The following SLC2A9 variants were observed in gnomAD, a reference collection of about 807,000 sequenced individuals.
SLC2A9 encodes the protein solute carrier family 2 member 9.
SLC2A9 carries 39 observed loss-of-function variants against 50.6 expected under a neutral mutation model. That is an observed-to-expected ratio of 0.77 (90% CI 0.60 to 1.01). SLC2A9 has a LOEUF of 1.01. Among genes scored for constraint, SLC2A9 ranks in the 50% least tolerant of loss-of-function variants. SLC2A9 has a pLI of 0.00. For synonymous variants in SLC2A9, 324 were observed against 276.9 expected (o/e 1.17, Z -1.69); for missense variants, 686 against 677.6 (o/e 1.01, Z -0.14).
intron 10 of SLC2A9, among the ~76,000 whole-genome samples, chr4:9,881,553 A>C (rs1007782636): frequency 2.6e-5 from 4 of 152,188 alleles, no homozygotes; most frequent in Non-Finnish European, 5.9e-5. Flanking sequence ...TTAGAAAGAA[A>C]ATATATTAGG....
At chr4:9,912,173 G>A (rs2082031664) in intron 7 of SLC2A9, among the ~76,000 whole-genome samples, 1 of 152,084 alleles carries the variant, frequency 6.6e-6, no homozygotes, top group African/African-American at 2.4e-5. Flanking sequence ...AGAGCATTAG[G>A]AGATATACCT....
intron 10 of SLC2A9, among the ~76,000 whole-genome samples, chr4:9,872,110 G>C (rs1324239882): frequency 2.0e-5 from 3 of 152,198 alleles, no homozygotes; most frequent in Non-Finnish European, 4.4e-5. Context: ...GTTCTGAAGT[G>C]CAGCCATGTA....
At chr4:9,962,914 CT>C (rs1752499285) in intron 5 of SLC2A9, among the ~76,000 whole-genome samples, 1 of 152,158 alleles carries the variant, frequency 6.6e-6, no homozygotes, top group Non-Finnish European at 1.5e-5. Flanking sequence ...TGTTTTTGCA[CT>C]GGCTATTCCC....
chr4:9,891,802 G>A (rs1737494620), intron 8 of SLC2A9, among the ~76,000 whole-genome samples: 1 of 152,204 alleles, frequency 6.6e-6, no homozygotes, highest in African/African-American at 2.4e-5. Context: ...CAGGCAGAGG[G>A]ATTAGTGGGG....
chr4:9,976,067 A>T (rs1754746413), intron 5 of SLC2A9, among the ~76,000 whole-genome samples: 1 of 152,182 alleles, frequency 6.6e-6, no homozygotes, highest in African/African-American at 2.4e-5. Flanking sequence ...GGACATAAAG[A>T]TGGCAACACT....
At chr4:9,785,050 A>C (rs1439946136) in intron 3 of SLC2A9, among the ~76,000 whole-genome samples, 1 of 152,210 alleles carries the variant, frequency 6.6e-6, no homozygotes, top group Non-Finnish European at 1.5e-5. Context: ...ATGATACTGG[A>C]ATCTGAGGTC....
intron 5 of SLC2A9, among the ~76,000 whole-genome samples, chr4:9,977,542 TC>T (rs1314871140): frequency 1.7e-5 from 2 of 116,142 alleles, no homozygotes; most frequent in Admixed American, 1.8e-4. Context: ...CCTCTCCCTC[TC>T]CCCCTCCCCC....
intron 8 of SLC2A9, among the ~76,000 whole-genome samples, chr4:9,901,363 A>G (rs1329959383): frequency 6.6e-6 from 1 of 152,164 alleles, no homozygotes; most frequent in Non-Finnish European, 1.5e-5. Flanking sequence ...CTGTCAAGGG[A>G]AATTAATTGA....
rs546122145 is a variant in SLC2A9, at chr4:10,015,380, A to G, written c.249+3595T>C. Among the ~76,000 whole-genome samples, 87 of 152,154 alleles carry G rather than the reference A, an allele frequency of 5.7e-4. 2 individuals are homozygous for G. The highest frequency in any genetic ancestry group is 2.0e-3 in the African/African-American group (81 of 41,512). ...CCTGGGTTTGAATTCCAACACTGCCACCTCCTGGCTGTGTGAACCTGGGCA... is the reference window on the plus strand; with the variant it reads ...CCTGGGTTTGAATTCCAACACTGCCGCCTCCTGGCTGTGTGAACCTGGGCA... On this transcript the variant is annotated intron_variant, in intron 2 of 11. Coordinates refer to ENST00000264784, the MANE Select transcript of SLC2A9 (RefSeq NM_020041.3).
At chr4:9,876,154 TTTA>T (rs1327670720) in intron 10 of SLC2A9, among the ~76,000 whole-genome samples, 1 of 152,178 alleles carries the variant, frequency 6.6e-6, no homozygotes, top group African/African-American at 2.4e-5. Flanking sequence ...CTTCTTAGTG[TTTA>T]TATTCTTCTG....
At chr4:9,824,519 C>T (rs910476439), downstream of SLC2A9, among the ~76,000 whole-genome samples, 5 of 152,190 alleles carry the variant, frequency 3.3e-5, no homozygotes, top group African/African-American at 1.2e-4. Context: ...TCTCACCTCT[C>T]ACCCCAGTCA....
chr4:9,919,276 C>A (rs971695079), intron 7 of SLC2A9, among the ~76,000 whole-genome samples: 5 of 152,162 alleles, frequency 3.3e-5, no homozygotes, highest in East Asian at 1.9e-4. Context: ...CTGACCCAGG[C>A]GCCTGCTCAA....
chr4:9,954,101 G>A (rs959382147), intron 5 of SLC2A9, among the ~76,000 whole-genome samples: 2 of 152,150 alleles, frequency 1.3e-5, no homozygotes, highest in South Asian at 2.1e-4. Flanking sequence ...GAGCCACTGC[G>A]CCCAGCCCTA....
At chr4:9,904,124 C>T (rs1025796237) in intron 8 of SLC2A9, among the ~76,000 whole-genome samples, 41 of 152,154 alleles carry the variant, frequency 2.7e-4, no homozygotes, top group African/African-American at 8.7e-4. Context: ...TTCCATAATT[C>T]TGTCAGATGC....
chr4:9,822,453 T>C (rs965545790), downstream of SLC2A9, among the ~76,000 whole-genome samples: 5 of 152,206 alleles, frequency 3.3e-5, no homozygotes, highest in East Asian at 5.8e-4. Flanking sequence ...CTCTTTATCA[T>C]GGGTAATTCC....
chr4:10,000,730 G>C (rs901572312), intron 2 of SLC2A9, among the ~76,000 whole-genome samples: 6 of 152,120 alleles, frequency 3.9e-5, no homozygotes, highest in African/African-American at 1.4e-4. Context: ...TGTCCTGCTG[G>C]ACATAGTTGG....
rs141782222 is a variant in SLC2A9, at chr4:9,919,506, G to A, written c.1002+879C>T. 1.3e-4 allele frequency among the ~76,000 whole-genome samples: 20 copies of A among 152,136 alleles called. No homozygotes were observed. In the East Asian group the frequency reaches 1.7e-3, roughly 13 times the overall value. ...ACACCCCCAAACACCCTCCCTGCCCGCCTTGGGGGGTGCTGGTCTCACGCT... is the reference window on the plus strand; with the variant it reads ...ACACCCCCAAACACCCTCCCTGCCCACCTTGGGGGGTGCTGGTCTCACGCT... On this transcript the variant is annotated intron_variant, in intron 7 of 11. Transcript: ENST00000264784.
intron 6 of SLC2A9, among the ~76,000 whole-genome samples, chr4:9,927,031 T>TC (rs538322371): frequency 0.024 from 713 of 30,126 alleles, 3 homozygotes; most frequent in Middle Eastern, 0.032. Context: ...TGTTGTTCGA[T>TC]TTTTTTTTTT....
intron 10 of SLC2A9, among the ~76,000 whole-genome samples, chr4:9,854,335 C>A (rs563423480): frequency 3.5e-4 from 54 of 152,150 alleles, no homozygotes; most frequent in Non-Finnish European, 5.6e-4. Context: ...AAAAAGCCCT[C>A]AGAGACTATT....
Sources: allele counts gnomAD v4.1 joint callset (sites outside exome capture counted in the v4.1 genomes callset), GRCh38; gene constraint gnomAD v4.1.1; transcripts MANE v1.5; gene names NCBI Gene and HGNC (gene_info 2026-07-23, HGNC 2026-07-21).